Variants in EXOC4 observed in about 807,000 individuals in gnomAD.
EXOC4 encodes SEC8-like 1.
A neutral mutation model predicts 107.2 loss-of-function variants in EXOC4; 71 were observed. The ratio of observed to expected loss-of-function variants is 0.66; its 90% CI spans 0.55 to 0.81. The LOEUF (loss-of-function observed/expected upper bound fraction) is 0.81, where lower values mean the gene tolerates loss of function less well. Among genes scored for constraint, EXOC4 ranks in the 30% least tolerant of loss-of-function variants. The pLI is 0.00. For synonymous variants in EXOC4, 456 were observed against 441.2 expected, an observed-to-expected ratio of 1.03 and a Z score of -0.42; for missense variants, 1,108 against 1,189.6, an observed-to-expected ratio of 0.93 and a Z score of 1.01.
chr7:134,090,761 C>T, the EXOC4 span, among the ~76,000 whole-genome samples: 4 of 152,074 alleles, frequency 2.6e-5, no homozygotes, highest in Admixed American at 1.3e-4. Context: ...CCCATGATCC[C>T]GTACATGCCT....
chr7:133,816,830 G>A (rs1211816184), intron 10 of EXOC4, among the ~76,000 whole-genome samples: 3 of 152,136 alleles, frequency 2.0e-5, no homozygotes, highest in East Asian at 1.9e-4. Flanking sequence ...GACAGGAGGC[G>A]GAGCTCAGGT....
chr7:133,401,628 C>A (rs1797092178), intron 7 of EXOC4, among the ~76,000 whole-genome samples: 1 of 149,982 alleles, frequency 6.7e-6, no homozygotes, highest in Non-Finnish European at 1.5e-5. Context: ...TGCCACTGCA[C>A]TCCAGCCTGG....
At chr7:133,390,854 T>C (rs964692789) in intron 7 of EXOC4, among the ~76,000 whole-genome samples, 2 of 152,266 alleles carry the variant, frequency 1.3e-5, no homozygotes, top group African/African-American at 2.4e-5. Flanking sequence ...CTGTGTTTTA[T>C]GAATACTTTT....
chr7:133,916,661 G>T (rs1221072452), intron 12 of EXOC4, among the ~76,000 whole-genome samples: 1 of 152,124 alleles, frequency 6.6e-6, no homozygotes, highest in Non-Finnish European at 1.5e-5. Flanking sequence ...TTATTTGCAA[G>T]TGCATAATGC....
intron 10 of EXOC4, among the ~76,000 whole-genome samples, chr7:133,637,568 G>A (rs1802743574): frequency 1.3e-5 from 2 of 150,454 alleles, no homozygotes. Context: ...TCATGCATGG[G>A]AGGAAATATA....
chr7:133,624,053 C>G (rs569909609), intron 9 of EXOC4, among the ~76,000 whole-genome samples: 1 of 152,250 alleles, frequency 6.6e-6, no homozygotes, highest in South Asian at 2.1e-4. Flanking sequence ...ATACTGTATA[C>G]TATTTCATAA....
At chr7:134,023,166 G>A (rs865956448) in intron 17 of EXOC4, among the ~76,000 whole-genome samples, 3 of 152,066 alleles carry the variant, frequency 2.0e-5, no homozygotes, top group Non-Finnish European at 4.4e-5. Context: ...ATGTTTGCCC[G>A]AGTCTAGAAT....
At chr7:133,523,096 AG>A (rs971269314) in intron 9 of EXOC4, among the ~76,000 whole-genome samples, 7 of 152,210 alleles carry the variant, frequency 4.6e-5, no homozygotes, top group African/African-American at 1.7e-4. Context: ...TTAAAAATCT[AG>A]CTAATGGGTC....
At chr7:133,330,659 ACAG>A (rs1795361457) in intron 5 of EXOC4, among the ~76,000 whole-genome samples, 1 of 151,614 alleles carries the variant, frequency 6.6e-6, no homozygotes, top group Non-Finnish European at 1.5e-5. Context: ...ACAGTCCCTC[ACAG>A]TCCCTCACAG....
chr7:133,878,485 G>A (rs1045007301), intron 11 of EXOC4, among the ~76,000 whole-genome samples: 1 of 152,174 alleles, frequency 6.6e-6, no homozygotes, highest in Non-Finnish European at 1.5e-5. Flanking sequence ...TTTTTAGTGA[G>A]AATATATCAT....
At chr7:133,737,085 C>A (rs1022744878) in intron 10 of EXOC4, among the ~76,000 whole-genome samples, 4 of 152,184 alleles carry the variant, frequency 2.6e-5, no homozygotes, top group Non-Finnish European at 4.4e-5. Context: ...ATTTGCTATT[C>A]TTTTAGTATT....
At chr7:133,346,116 G>A (rs1193351270) in intron 5 of EXOC4, among the ~76,000 whole-genome samples, 1 of 152,190 alleles carries the variant, frequency 6.6e-6, no homozygotes, top group Non-Finnish European at 1.5e-5. Flanking sequence ...TTTAAGATAT[G>A]TAGTTGGCCA....
chr7:134,013,832 A>G (rs149391278), intron 17 of EXOC4, among the ~76,000 whole-genome samples: 199 of 152,314 alleles, frequency 1.3e-3, no homozygotes, highest in African/African-American at 4.5e-3. Flanking sequence ...AACCACAATG[A>G]GACATCAGTC....
chr7:133,403,134 C>G (rs1190395442), intron 7 of EXOC4, among the ~76,000 whole-genome samples: 4 of 149,530 alleles, frequency 2.7e-5, no homozygotes, highest in African/African-American at 4.9e-5. Flanking sequence ...CCACCCGCCT[C>G]GGCCTCCCAA....
intron 14 of EXOC4, among the ~76,000 whole-genome samples, chr7:133,984,778 C>T (rs951586715): frequency 2.6e-5 from 4 of 152,148 alleles, no homozygotes; most frequent in Admixed American, 2.0e-4. Context: ...TTGTTGCAGG[C>T]ACAGTGCAAG....
intron 10 of EXOC4, among the ~76,000 whole-genome samples, chr7:133,767,247 G>A (rs952721932): frequency 1.3e-5 from 2 of 151,772 alleles, no homozygotes; most frequent in Admixed American, 6.6e-5. Flanking sequence ...TGGATCTTTG[G>A]CTCCAGACAG....
chr7:133,333,900 G>A (rs1303831841), intron 5 of EXOC4, among the ~76,000 whole-genome samples: 3 of 152,108 alleles, frequency 2.0e-5, no homozygotes, highest in African/African-American at 7.2e-5. Flanking sequence ...AACAATTCAC[G>A]GCAGTGAAAA....
At position 133,419,960 on chromosome 7, in the gene EXOC4, T is replaced by G. The variant is rs201815269; in HGVS notation, c.1182+44958T>G. On this transcript the variant is annotated intron_variant, in intron 7 of 17. Coordinates refer to ENST00000253861, the MANE Select transcript of EXOC4 (RefSeq NM_021807.4). Reference sequence around the variant, plus strand: ...AGGCTCAACTGAGGAAGAGTCTGCTTCTTCTTTTTTTTTTTTTTTTTTATT... The same window carrying G: ...AGGCTCAACTGAGGAAGAGTCTGCTGCTTCTTTTTTTTTTTTTTTTTTATT... 3.6e-4 allele frequency among the ~76,000 whole-genome samples: 40 copies of G among 111,590 alleles called. No individual in the cohort carries two copies. In the East Asian group the frequency reaches 5.5e-3, roughly 15 times the overall value. 73.2% of individuals were successfully genotyped at this position (111,590 alleles called of 152,430 possible). A position where few individuals can be genotyped will look rare whatever the true frequency, so the allele number is the denominator to read the frequency against.
intron 7 of EXOC4, among the ~76,000 whole-genome samples, chr7:133,416,054 A>C (rs1797468515): frequency 6.6e-6 from 1 of 152,176 alleles, no homozygotes; most frequent in African/African-American, 2.4e-5. Context: ...AAAACAACAA[A>C]ACTTTATATT....
Sources: gnomAD v4.1 joint callset for allele counts (sites outside exome capture counted in the v4.1 genomes callset) on GRCh38, gnomAD v4.1.1 for gene constraint, MANE v1.5 for transcripts, NCBI Gene and HGNC (gene_info 2026-07-23, HGNC 2026-07-21) for gene names.